Variants in UBR1 observed in about 807,000 individuals in gnomAD.
UBR1 encodes the protein ubiquitin protein ligase E3 component n-recognin 1, also known as E3 ubiquitin-protein ligase UBR1.
In UBR1, 102 loss-of-function variants were observed where a neutral mutation model predicts 242.1. The observed-to-expected ratio is 0.42, with a 90% CI of 0.36 to 0.50. UBR1 has a LOEUF of 0.50. UBR1 is among the 20% of genes least tolerant of loss of function. UBR1 has a pLI of 0.01. For synonymous variants in UBR1, 675 were observed against 684.8 expected, an observed-to-expected ratio of 0.99 and a Z score of 0.22; for missense variants, 1,772 against 2,101.8, an observed-to-expected ratio of 0.84 and a Z score of 3.07.
At chr15:43,086,414 C>CCACCAGT (rs2034036552) in intron 1 of UBR1, among the ~76,000 whole-genome samples, 174 bp from the exon 2 acceptor site, 1 of 142,772 alleles carries the variant, frequency 7.0e-6, no homozygotes, top group Non-Finnish European at 1.5e-5. Context: ...AAATAAGCAA[C>CCACCAGT]TGCTCACATA....
chr15:43,048,593 T>C (rs1328407009), intron 12 of UBR1, 102 bp from the exon 13 acceptor site: 1 of 884,572 alleles, frequency 1.1e-6, no homozygotes, highest in African/African-American at 1.7e-5. Flanking sequence ...AATTATGGAT[T>C]CTAATTTCTC....
At position 43,032,622 on chromosome 15, in the gene UBR1, T is replaced by C; in HGVS notation, c.2200A>G (p.Lys734Glu). Residue 734 changes from lysine (K) to glutamate (E), a missense_variant, in exon 20 of 47, where the codon AAA becomes GAA. Transcript: ENST00000290650. ...TISTKDQDLI[K>E]QYNTLIEEML... is the part of the protein sequence containing the mutation. ...TCTTCTATTAGTGTATTATATTGTT[T>C]AATCAAATCCTATAGAATCGAAAAA... 4 of 1,519,670 alleles carry C rather than the reference T, an allele frequency of 2.6e-6. No homozygotes were observed. The highest frequency in any genetic ancestry group is 3.6e-6 in the Non-Finnish European group (4 of 1,101,440). The allele number at this position is 1,519,670 out of a possible 1,614,324, so 94.1% of individuals were successfully genotyped here.
rs575010823 is a variant in UBR1, at chr15:43,019,685, C to G, written c.2940+1590G>C. Among the ~76,000 whole-genome samples, 3 of 147,942 alleles carry G rather than the reference C, an allele frequency of 2.0e-5. No homozygotes were observed. In the East Asian group the frequency reaches 6.2e-4, roughly 30 times the overall value. On this transcript the variant is annotated intron_variant, in intron 27 of 46. Coordinates refer to ENST00000290650, the MANE Select transcript of UBR1 (RefSeq NM_174916.3). ...GCAACCTCCGCCCTCAGAGTTCAGG[C>G]GATTCTCCTGCCTCAGCCTCCTGAG... is the stretch of plus-strand genomic sequence containing the variant.
intron 46 of UBR1, among the ~76,000 whole-genome samples, chr15:42,947,549 C>A (rs575835410): frequency 3.1e-4 from 47 of 152,080 alleles, no homozygotes; most frequent in African/African-American, 1.1e-3. Context: ...TGTCTCAGCC[C>A]AAAATCTCCT....
intron 44 of UBR1, among the ~76,000 whole-genome samples, chr15:42,957,313 G>C (rs1407750355): frequency 6.6e-6 from 1 of 152,194 alleles, no homozygotes; most frequent in Non-Finnish European, 1.5e-5. Flanking sequence ...AATATATCCA[G>C]AATAGGCAAA....
At chr15:43,024,684 T>G (rs534353009) in intron 25 of UBR1, 145 bp downstream of exon 25, 1 of 1,107,194 alleles carries the variant, frequency 9.0e-7, no homozygotes, top group Admixed American at 1.9e-5. Flanking sequence ...TAAAAAAAAT[T>G]TGTGCTGTGT....
chr15:43,047,176 C>T lies in UBR1; in HGVS notation c.1653G>A (p.Glu551=), dbSNP rs1482420611. Residue 551 remains glutamate, a synonymous_variant, in exon 14 of 47, where the codon GAG becomes GAA. Transcript: ENST00000290650. ...TTTTACTTACATCACAAGCACACCA[C>T]TCTTGGAACATGAGTAAAATATTCT... ...QLKNILLMFQ[E]WCACDEELLL... is the part of the protein sequence containing the mutation. 9.3e-6 allele frequency: 15 copies of T among 1,613,998 alleles called. No homozygotes were observed. Among genetic ancestry groups the T allele is most frequent in the Admixed American group, 1.7e-5 (1 of 59,998 alleles).
intron 2 of UBR1, among the ~76,000 whole-genome samples, chr15:43,083,369 GATT>G (rs1371759098): frequency 6.6e-6 from 1 of 151,836 alleles, no homozygotes; most frequent in Admixed American, 6.6e-5. Context: ...CAAAGTGCAG[GATT>G]ATTATTTTTT....
At chr15:43,082,000 A>G (rs2033980203) in intron 3 of UBR1, among the ~76,000 whole-genome samples, 2 of 152,218 alleles carry the variant, frequency 1.3e-5, no homozygotes, top group Middle Eastern at 3.4e-3. Flanking sequence ...TTAAAAAAGC[A>G]CAATGTATAA....
intron 6 of UBR1, among the ~76,000 whole-genome samples, chr15:43,065,038 G>C (rs1596126734): frequency 6.6e-6 from 1 of 152,134 alleles, no homozygotes; most frequent in East Asian, 1.9e-4. Flanking sequence ...AATAATTGTT[G>C]TGAAAATCTA....
chr15:42,950,384 G>C (rs950308101), intron 45 of UBR1, 21 bp from the exon 46 acceptor site: 2 of 1,606,844 alleles, frequency 1.2e-6, no homozygotes, highest in African/African-American at 1.3e-5. Flanking sequence ...AAATCAATAG[G>C]AAATATGGTT....
At chr15:43,068,089 T>TAAAAAAAAAAA (rs375762522) in intron 5 of UBR1, 53 bp from the exon 6 acceptor site, 4 of 787,728 alleles carry the variant, frequency 5.1e-6, no homozygotes, top group African/African-American at 2.7e-5. Flanking sequence ...AAAGGAAAAG[T>TAAAAAAAAAAA]AAAAAAAAAA....
At chr15:43,063,403 A>G (rs1356891549) in intron 6 of UBR1, among the ~76,000 whole-genome samples, 1 of 152,200 alleles carries the variant, frequency 6.6e-6, no homozygotes, top group Non-Finnish European at 1.5e-5. Flanking sequence ...TTAGAGTCCT[A>G]CGATCATGAT....
chr15:43,040,251 G>A (rs2033398597), intron 15 of UBR1, among the ~76,000 whole-genome samples: 1 of 152,150 alleles, frequency 6.6e-6, no homozygotes, highest in South Asian at 2.1e-4. Flanking sequence ...CCAAAACAGA[G>A]ATATAGACCA....
chr15:43,007,274 C>T lies in UBR1; in HGVS notation c.3220G>A (p.Val1074Ile), dbSNP rs2032847491. 1 of 1,614,124 alleles carries T rather than the reference C, an allele frequency of 6.2e-7. No homozygotes were observed. Among genetic ancestry groups the T allele is most frequent in the Non-Finnish European group, 8.5e-7 (1 of 1,180,014 alleles). ...SIMEEESTPA[V>I]SDYSRIALGP... ...AAAGCAATTCTAGAGTAGTCACTGA[C>T]TGCTGGGGTGCTACCAAAAGAAATG... Residue 1074 changes from valine to isoleucine, a missense_variant, in exon 30 of 47, where the codon GTC becomes ATC. Physicochemically the swap from Val to Ile is conservative, Grantham distance 29. Coordinates refer to ENST00000290650, the MANE Select transcript of UBR1 (RefSeq NM_174916.3).
Position 42,958,045 on chromosome 15 carries a change from A to G in UBR1, c.4803T>C (p.Tyr1601=), listed in dbSNP as rs140959617. 3,895 of 1,613,620 alleles carry G rather than the reference A, an allele frequency of 2.4e-3. 8 individuals are homozygous for G. Among genetic ancestry groups the G allele is most frequent in the Non-Finnish European group, 3.0e-3 (3,597 of 1,179,764 alleles). Residue 1601 remains tyrosine, a synonymous_variant, in exon 44 of 47, where the codon TAT becomes TAC. Coordinates refer to ENST00000290650, the MANE Select transcript of UBR1 (RefSeq NM_174916.3). ...GAGAAGCTTGATTCAGGAGGCAGCT[A>G]TAGTCATCAGGAAGCTCTATCAAAC... ...RNSLIELPDD[Y]SCLLNQASHF...
At position 42,943,821 on chromosome 15, in the gene UBR1, G is replaced by GT; in HGVS notation, c.*1507dup. 1 of 152,378 alleles carries GT rather than the reference G, an allele frequency of 6.6e-6. No individual in the cohort carries two copies. The highest frequency in any genetic ancestry group is 1.9e-4 in the East Asian group (1 of 5,178). The allele number at this position is 152,378 out of a possible 1,614,324, so 9.4% of individuals were successfully genotyped here. A position where few individuals can be genotyped will look rare whatever the true frequency, so the allele number is the denominator to read the frequency against. ...TTGTTACAAATTGTTCACTAGACAT[G>GT]TATCTATTTATCCAGATACCTTCTG... On this transcript the variant is annotated 3_prime_UTR_variant, in exon 47 of 47. Coordinates refer to ENST00000290650, the MANE Select transcript of UBR1 (RefSeq NM_174916.3).
intron 43 of UBR1, 64 bp from the exon 44 acceptor site, chr15:42,958,154 A>G: frequency 1.8e-6 from 2 of 1,105,624 alleles, no homozygotes; most frequent in Non-Finnish European, 2.8e-6. Context: ...AAAACTGCCC[A>G]AAGTGATAGA....
chr15:42,979,125 C>G (rs1463010009), intron 37 of UBR1, among the ~76,000 whole-genome samples: 1 of 151,900 alleles, frequency 6.6e-6, no homozygotes, highest in Non-Finnish European at 1.5e-5. Context: ...GATCTCTTGA[C>G]CTCGTGATCC....
Sources: gnomAD v4.1 joint callset for allele counts (sites outside exome capture counted in the v4.1 genomes callset) on GRCh38, gnomAD v4.1.1 for gene constraint, MANE v1.5 for transcripts, NCBI Gene and HGNC (gene_info 2026-07-23, HGNC 2026-07-21) for gene names.